Variants in TMEM266 observed in about 807,000 individuals in gnomAD.
TMEM266 encodes Hv1 related protein 1.
Under a neutral mutation model 50.5 loss-of-function variants are expected in TMEM266, and 33 were observed. The ratio of observed to expected loss-of-function variants is 0.65; its 90% CI spans 0.50 to 0.87. TMEM266 has a LOEUF of 0.87. Among genes scored for constraint, TMEM266 ranks in the 40% least tolerant of loss-of-function variants. TMEM266 has a pLI of 0.00. For synonymous variants in TMEM266, 310 were observed against 292.3 expected (o/e 1.06, Z -0.62); for missense variants, 655 against 695.1 (o/e 0.94, Z 0.65).
chr15:76,137,993 G>A lies in TMEM266; in HGVS notation c.227+98G>A, dbSNP rs112814052. On this transcript the variant is annotated intron_variant, in intron 3 of 10. Transcript: ENST00000388942. ...TCCCAGCACTTTGGGAGGCAGAGGC[G>A]GGCAGATCACCTGAGGTTAGGAGTT... The A allele has an allele frequency of 5.8e-4, 725 of 1,245,728 alleles. 8 individuals carry two copies. In the African/African-American group the frequency reaches 9.4e-3, roughly 16 times the overall value. 77.2% of individuals were successfully genotyped at this position (1,245,728 alleles called of 1,614,324 possible).
At chr15:76,121,729 T>G (rs962052327) in intron 1 of TMEM266, among the ~76,000 whole-genome samples, 2 of 152,128 alleles carry the variant, frequency 1.3e-5, no homozygotes, top group African/African-American at 4.8e-5. Flanking sequence ...AACAAACCTT[T>G]AACAGGTGGC....
At chr15:76,071,907 C>T (rs1262736148) in intron 1 of TMEM266, among the ~76,000 whole-genome samples, 1 of 150,350 alleles carries the variant, frequency 6.7e-6, no homozygotes, top group African/African-American at 2.5e-5. Context: ...CCAGATTCGG[C>T]ATTTTTTTTT....
At chr15:76,127,825 T>C (rs1416353056) in intron 1 of TMEM266, among the ~76,000 whole-genome samples, 3 of 152,186 alleles carry the variant, frequency 2.0e-5, no homozygotes, top group Non-Finnish European at 4.4e-5. Context: ...GCAAACTTTC[T>C]GATTCAGTAG....
intron 5 of TMEM266, among the ~76,000 whole-genome samples, chr15:76,165,261 G>A (rs920047635): frequency 6.6e-6 from 1 of 152,216 alleles, no homozygotes; most frequent in African/African-American, 2.4e-5. Context: ...TTGAGAGCAG[G>A]GCTTGACCAG....
rs562542329 is a variant in TMEM266, at chr15:76,202,124, C to T, written c.959-78C>T. 1,715 of 1,253,982 alleles carry T rather than the reference C, an allele frequency of 1.4e-3. 2 individuals are homozygous for T. Among genetic ancestry groups the T allele is most frequent in the Non-Finnish European group, 1.8e-3 (1,630 of 894,264 alleles). 77.7% of individuals were successfully genotyped at this position (1,253,982 alleles called of 1,614,324 possible). ...TGAGACAGCTGCCTTCTCTTGTGAC[C>T]GTGGGGGTGGGGACAGGAGTATAAG... On this transcript the variant is annotated intron_variant, in intron 9 of 10. Transcript: ENST00000388942.
At chr15:76,076,834 A>T (rs1185194682) in intron 1 of TMEM266, among the ~76,000 whole-genome samples, 1 of 152,152 alleles carries the variant, frequency 6.6e-6, no homozygotes, top group Non-Finnish European at 1.5e-5. Flanking sequence ...ATTACAATTT[A>T]TAATAGGCTG....
Position 76,161,543 on chromosome 15 carries a change from G to A in TMEM266, c.456+1375G>A, listed in dbSNP as rs2038018362. Reference sequence around the variant, plus strand: ...AGTCCAGAATCCTGAGTCCGGGTGTGGGGTGTGGTGGGCCGGGCAGCAGGC... The same window carrying A: ...AGTCCAGAATCCTGAGTCCGGGTGTAGGGTGTGGTGGGCCGGGCAGCAGGC... On this transcript the variant is annotated intron_variant, in intron 5 of 10. Coordinates refer to ENST00000388942, the MANE Select transcript of TMEM266 (RefSeq NM_152335.3). The surrounding 1 kb of genome is among the most constrained non-coding windows in gnomAD (Gnocchi z 4.1). Among the ~76,000 whole-genome samples, 1 of 152,152 alleles carries A rather than the reference G, an allele frequency of 6.6e-6. No individual in the cohort carries two copies. Among genetic ancestry groups the A allele is most frequent in the African/African-American group, 2.4e-5 (1 of 41,438 alleles).
At chr15:76,097,290 C>A (rs965352095) in intron 1 of TMEM266, among the ~76,000 whole-genome samples, 1 of 151,974 alleles carries the variant, frequency 6.6e-6, no homozygotes, top group Non-Finnish European at 1.5e-5. Context: ...CCTTCAGGAG[C>A]TCTAAGGCAG....
chr15:76,122,445 G>T (rs1037503470), intron 1 of TMEM266, among the ~76,000 whole-genome samples: 2 of 152,158 alleles, frequency 1.3e-5, no homozygotes, highest in African/African-American at 4.8e-5. Context: ...ATTGAAGAAA[G>T]AGGACTTTTT....
rs58823470 is a variant in TMEM266 at position 76,143,451 on chromosome 15, G to A, written c.227+5556G>A. 7.7e-3 allele frequency among the ~76,000 whole-genome samples: 1,170 copies of A among 152,238 alleles called. 13 individuals carry two copies. The highest frequency in any genetic ancestry group is 0.027 in the African/African-American group (1,108 of 41,532). On this transcript the variant is annotated intron_variant, in intron 3 of 10. Coordinates refer to ENST00000388942, the MANE Select transcript of TMEM266 (RefSeq NM_152335.3). ...TGTCCTTTGTCCAGCATTTGAAACTGTCAGCTACTCCCTCCCTCTCCAGCC... is the reference window on the plus strand; with the variant it reads ...TGTCCTTTGTCCAGCATTTGAAACTATCAGCTACTCCCTCCCTCTCCAGCC...
chr15:76,204,403 G>A lies in TMEM266; in HGVS notation c.*88G>A. ...GGAGGCTGCCAAGGGCCACACGCGG[G>A]GCCCAGGAGCCCACCTGGCCTCCCT... On this transcript the variant is annotated 3_prime_UTR_variant, in exon 11 of 11. Transcript: ENST00000388942. The A allele has an allele frequency of 1.5e-6, 2 of 1,340,296 alleles. No individual in the cohort carries two copies. The highest frequency in any genetic ancestry group is 2.0e-6 in the Non-Finnish European group (2 of 983,654). 83.0% of individuals were successfully genotyped at this position (1,340,296 alleles called of 1,614,324 possible). A position where few individuals can be genotyped will look rare whatever the true frequency, so the allele number is the denominator to read the frequency against.
chr15:76,159,542 G>A (rs955142645), intron 4 of TMEM266, among the ~76,000 whole-genome samples: 4 of 152,104 alleles, frequency 2.6e-5, no homozygotes, highest in Non-Finnish European at 4.4e-5. Flanking sequence ...CAGCTCCCCT[G>A]CCAGTCCTCA....
chr15:76,066,939 G>A (rs1596080261), intron 1 of TMEM266, among the ~76,000 whole-genome samples: 1 of 152,070 alleles, frequency 6.6e-6, no homozygotes, highest in Non-Finnish European at 1.5e-5. Context: ...AGCAGCATCC[G>A]TGACCCTTAC....
At chr15:76,095,907 T>C (rs928969635) in intron 1 of TMEM266, among the ~76,000 whole-genome samples, 3 of 152,080 alleles carry the variant, frequency 2.0e-5, no homozygotes, top group Admixed American at 2.0e-4. Flanking sequence ...TGCGTAGAGG[T>C]ATTTATAGTA....
At position 76,171,407 on chromosome 15, in the gene TMEM266, C is replaced by G. The variant is rs572167847; in HGVS notation, c.652+276C>G. Among the ~76,000 whole-genome samples, 4 of 152,300 alleles carry G rather than the reference C, an allele frequency of 2.6e-5. No individual in the cohort carries two copies. The South Asian group carries it at 6.2e-4, about 24-fold the overall frequency. ...GCTATTTACTGTGAGCCTGGGGGGG[C>G]CAGCCCCCATGCAAGCCCTTAGAGC... On this transcript the variant is annotated intron_variant, in intron 7 of 10. Coordinates refer to ENST00000388942, the MANE Select transcript of TMEM266 (RefSeq NM_152335.3).
intron 1 of TMEM266, among the ~76,000 whole-genome samples, chr15:76,078,309 C>A (rs1352021123): frequency 2.0e-5 from 3 of 151,986 alleles, no homozygotes; most frequent in Non-Finnish European, 4.4e-5. Flanking sequence ...GACCCGGGGC[C>A]CCGGTAGTGA....
intron 1 of TMEM266, among the ~76,000 whole-genome samples, chr15:76,061,434 A>T (rs1567135930): frequency 6.6e-6 from 1 of 152,212 alleles, no homozygotes; most frequent in Admixed American, 6.5e-5. Context: ...GTAAGGATGC[A>T]AACTCAAGCA....
intron 5 of TMEM266, among the ~76,000 whole-genome samples, chr15:76,169,170 G>A (rs1433083191): frequency 1.3e-5 from 2 of 152,046 alleles, no homozygotes; most frequent in Admixed American, 6.5e-5. Flanking sequence ...ATTCATTTAA[G>A]GGCACAACCT....
chr15:76,121,873 C>G lies in TMEM266; in HGVS notation c.-96-12295C>G, dbSNP rs1393631397. Among the ~76,000 whole-genome samples, 3 of 152,240 alleles carry G rather than the reference C, an allele frequency of 2.0e-5. No individual in the cohort carries two copies. The South Asian group carries it at 6.2e-4, about 32-fold the overall frequency. ...TCACTTCTTTGATGTAAATGTCTAT[C>G]TATGCATCTGTCTCTACTACTACCC... On this transcript the variant is annotated intron_variant, in intron 1 of 10. Transcript: ENST00000388942.
Sources: allele counts gnomAD v4.1 joint callset (sites outside exome capture counted in the v4.1 genomes callset), GRCh38; gene constraint gnomAD v4.1.1; non-coding constraint Gnocchi (gnomAD v3.1); transcripts MANE v1.5; gene names NCBI Gene and HGNC (gene_info 2026-07-23, HGNC 2026-07-21).